The following ATP2B2 variants were observed in gnomAD, a reference collection of about 807,000 sequenced individuals.
ATP2B2 encodes ATPase plasma membrane Ca2+ transporting 2.
In ATP2B2, 15 loss-of-function variants were observed where a neutral mutation model predicts 120.0. That is an observed-to-expected ratio of 0.12 (90% CI 0.08 to 0.19). The LOEUF (loss-of-function observed/expected upper bound fraction) is 0.19. Among genes scored for constraint, ATP2B2 ranks in the 10% least tolerant of loss-of-function variants. ATP2B2 has a pLI of 1.00. For missense variants in ATP2B2, 1,045 were observed against 1,719.8 expected, an observed-to-expected ratio of 0.61 and a Z score of 6.94; for synonymous variants, 694 against 700.3, an observed-to-expected ratio of 0.99 and a Z score of 0.14.
intron 3 of ATP2B2, among the ~76,000 whole-genome samples, chr3:10,517,713 G>C (rs947461508): frequency 3.3e-5 from 5 of 152,182 alleles, no homozygotes; most frequent in Non-Finnish European, 7.3e-5. Context: ...CTGATACATG[G>C]GGAGGTGACT....
intron 3 of ATP2B2, among the ~76,000 whole-genome samples, chr3:10,526,483 C>A (rs1441793572): frequency 6.6e-6 from 1 of 152,188 alleles, no homozygotes. Context: ...GGCCAGTGAT[C>A]CCTGGACACA....
chr3:10,451,229 C>T (rs2064034603), intron 1 of ATP2B2, among the ~76,000 whole-genome samples: 1 of 152,192 alleles, frequency 6.6e-6, no homozygotes, highest in African/African-American at 2.4e-5. Context: ...GGCTCCTCCC[C>T]TTCCCCTAGG....
chr3:10,671,804 T>A (rs528022416), intron 1 of ATP2B2, among the ~76,000 whole-genome samples: 1 of 152,024 alleles, frequency 6.6e-6, no homozygotes, highest in African/African-American at 2.4e-5. Context: ...TGATGAACAT[T>A]TTTGTCTGCT....
At chr3:10,431,920 A>G (rs1010160260) in intron 2 of ATP2B2, among the ~76,000 whole-genome samples, 3 of 152,216 alleles carry the variant, frequency 2.0e-5, no homozygotes, top group Non-Finnish European at 4.4e-5. Context: ...AAAGCTATTT[A>G]TAGCAAAAGA....
upstream of ATP2B2, among the ~76,000 whole-genome samples, chr3:10,507,020 C>T (rs961932176): frequency 3.3e-5 from 5 of 152,340 alleles, no homozygotes; most frequent in African/African-American, 9.6e-5. Flanking sequence ...CTGAGACCTC[C>T]TTGCTCCTCA....
At chr3:10,668,149 C>A (rs11128523) in intron 1 of ATP2B2, among the ~76,000 whole-genome samples, 1 of 152,072 alleles carries the variant, frequency 6.6e-6, no homozygotes, top group Non-Finnish European at 1.5e-5. Context: ...GAGGGCAACG[C>A]GGGCAGCTCA....
intron 5 of ATP2B2, among the ~76,000 whole-genome samples, chr3:10,394,968 G>A (rs2061987547): frequency 6.6e-6 from 1 of 152,174 alleles, no homozygotes; most frequent in African/African-American, 2.4e-5. Context: ...CCTGCATGGG[G>A]GCTACAGGAA....
At chr3:10,672,386 G>T (rs565376429) in intron 1 of ATP2B2, among the ~76,000 whole-genome samples, 35 of 152,320 alleles carry the variant, frequency 2.3e-4, no homozygotes, top group Admixed American at 3.9e-4. Context: ...ACAGAAATGC[G>T]CAAAAGGAAA....
chr3:10,573,589 C>G (rs1301113038), intron 2 of ATP2B2, among the ~76,000 whole-genome samples: 1 of 152,184 alleles, frequency 6.6e-6, no homozygotes, highest in African/African-American at 2.4e-5. Context: ...AGGTTTTGAT[C>G]CCAGGCCTGG....
rs771019549 is a variant in ATP2B2, at chr3:10,490,912, G to T, written c.-320+14553C>A. Among the ~76,000 whole-genome samples, 42 of 152,308 alleles carry T rather than the reference G, an allele frequency of 2.8e-4. 1 individual carries two copies. The highest frequency in any genetic ancestry group is 9.6e-4 in the African/African-American group (40 of 41,554). On this transcript the variant is annotated intron_variant, in intron 1 of 22. Transcript: ENST00000360273. ...AAAAATATCTGTTATTTGATTTGGG[G>T]GTGAAGGAAGCAGCTTTTCAGCTTT...
In ATP2B2 at chr3:10,673,806, C is replaced by CAAAAAA. The variant is rs549651187; in HGVS notation, c.-460+34103_-460+34108dup. ...TGGGTGACAGGGTGAGACCCTGTTT[C>CAAAAAA]AAAAAAAAAAAAAAAAAAAAAAGAA... is the stretch of plus-strand genomic sequence containing the variant. On this transcript the variant is annotated intron_variant, in intron 1 of 21. Transcript: ENST00000646379. Among the ~76,000 whole-genome samples the CAAAAAA allele has an allele frequency of 6.3e-3, 465 of 73,734 alleles. 4 individuals are homozygous for CAAAAAA. The highest frequency in any genetic ancestry group is 0.031 in the South Asian group (41 of 1,302). 48.4% of individuals were successfully genotyped at this position (73,734 alleles called of 152,430 possible).
intron 21 of ATP2B2, chr3:10,338,775 G>A: frequency 3.3e-6 from 1 of 302,914 alleles, no homozygotes; most frequent in East Asian, 9.5e-5. Context: ...TGGGCATGGT[G>A]AGAACTGGGC....
At chr3:10,566,219 G>A (rs1399706730) in intron 2 of ATP2B2, 1 of 152,160 alleles carries the variant, frequency 6.6e-6, no homozygotes, top group Non-Finnish European at 1.5e-5. Flanking sequence ...AGTTAGTGGG[G>A]AAACCAAGTT....
At chr3:10,541,066 T>C (rs2067428516) in intron 2 of ATP2B2, among the ~76,000 whole-genome samples, 1 of 152,168 alleles carries the variant, frequency 6.6e-6, no homozygotes, top group African/African-American at 2.4e-5. Context: ...GTTCATAGTA[T>C]TCCTTATTGT....
At chr3:10,454,752 C>A (rs1438642) in intron 1 of ATP2B2, among the ~76,000 whole-genome samples, 6,177 of 152,240 alleles carry the variant, frequency 0.041, 422 homozygotes, top group African/African-American at 0.14. Flanking sequence ...CATAGTTTGC[C>A]TAGAATACCT....
intron 3 of ATP2B2, among the ~76,000 whole-genome samples, chr3:10,524,089 A>T (rs2067040774): frequency 6.6e-6 from 1 of 152,208 alleles, no homozygotes; most frequent in East Asian, 1.9e-4. Flanking sequence ...GGATGAGGCC[A>T]CAGAGATGAA....
Position 10,338,352 on chromosome 3 carries a change from C to T in ATP2B2, c.3244G>A (p.Ala1082Thr), listed in dbSNP as rs149910726. 1.2e-5 allele frequency: 20 copies of T among 1,613,970 alleles called. No individual in the cohort carries two copies. In the African/African-American group the frequency reaches 1.6e-4, roughly 13 times the overall value. Residue 1082 changes from alanine to threonine, a missense_variant, in exon 22 of 23, where the codon GCC becomes ACC. Coordinates refer to ENST00000360273, the MANE Select transcript of ATP2B2 (RefSeq NM_001001331.4). ...LGELVWGQVI[A>T]TIPTSRLKFL... ...TTGAGTCTGCTGGTCGGGATGGTGGCGATGACCTGCAAGGGACCCTGTCTG... is the reference window on the plus strand; with the variant it reads ...TTGAGTCTGCTGGTCGGGATGGTGGTGATGACCTGCAAGGGACCCTGTCTG...
chr3:10,639,738 G>A (rs750790515), intron 1 of ATP2B2, among the ~76,000 whole-genome samples: 8 of 152,090 alleles, frequency 5.3e-5, no homozygotes, highest in Non-Finnish European at 1.0e-4. Flanking sequence ...AGTGGAGGCC[G>A]GTGACTGCTG....
rs749915968 is a variant in ATP2B2, at chr3:10,514,315, G to C, written c.-320+19724C>G. Among the ~76,000 whole-genome samples the C allele has an allele frequency of 2.0e-5, 3 of 152,316 alleles. No individual in the cohort carries two copies. In the East Asian group the frequency reaches 5.8e-4, roughly 29 times the overall value. On this transcript the variant is annotated intron_variant, in intron 3 of 21. Coordinates refer to the ATP2B2 transcript ENST00000646379. The stretch of plus-strand genomic sequence containing the variant: ...AGGTGGGATGGAGGGCCAGAGCCAA[G>C]CCTGAAGGAGGAGGACAGACAGGAA...
Sources: gnomAD v4.1 joint callset for allele counts (sites outside exome capture counted in the v4.1 genomes callset) on GRCh38, gnomAD v4.1.1 for gene constraint, MANE v1.5 for transcripts, NCBI Gene and HGNC (gene_info 2026-07-23, HGNC 2026-07-21) for gene names.